The following COLEC10 variants were observed in gnomAD, a reference collection of about 807,000 sequenced individuals.
COLEC10 encodes the protein collectin-10.
Under a neutral mutation model 28.4 loss-of-function variants are expected in COLEC10, and 22 were observed. The observed-to-expected ratio is 0.78, with a 90% CI of 0.55 to 1.11. The LOEUF is 1.11. COLEC10 is among the 50% of genes least tolerant of loss of function. COLEC10 has a pLI of 0.00. For missense variants in COLEC10, 361 were observed against 344.1 expected (o/e 1.05, Z -0.39); for synonymous variants, 125 against 116.1 (o/e 1.08, Z -0.49).
At chr8:119,023,384 G>A (rs1243576297) in intron 2 of COLEC10, among the ~76,000 whole-genome samples, 6 of 152,068 alleles carry the variant, frequency 3.9e-5, no homozygotes, top group Admixed American at 2.6e-4. Context: ...ATATTTTTGA[G>A]AGTGACAATT....
At chr8:119,049,897 A>C (rs553625383) in intron 2 of COLEC10, among the ~76,000 whole-genome samples, 4 of 152,142 alleles carry the variant, frequency 2.6e-5, no homozygotes, top group African/African-American at 9.7e-5. Flanking sequence ...AATTTTCCCT[A>C]TTTTGGGGGG....
intron 2 of COLEC10, among the ~76,000 whole-genome samples, chr8:119,053,760 C>A (rs547754369): frequency 6.6e-6 from 1 of 151,892 alleles, no homozygotes; most frequent in Non-Finnish European, 1.5e-5. Flanking sequence ...AATCTTCATT[C>A]TTTCCTTCAG....
At chr8:119,040,570 T>C (rs1277269197) in intron 2 of COLEC10, among the ~76,000 whole-genome samples, 1 of 152,214 alleles carries the variant, frequency 6.6e-6, no homozygotes, top group Non-Finnish European at 1.5e-5. Flanking sequence ...AAAATGGATA[T>C]ACTGTGCTCT....
chr8:119,059,361 C>T (rs192012520), intron 2 of COLEC10, among the ~76,000 whole-genome samples: 2 of 152,002 alleles, frequency 1.3e-5, no homozygotes, highest in East Asian at 3.9e-4. Context: ...GCCTTTGATA[C>T]ATTTCAGTAA....
intron 2 of COLEC10, among the ~76,000 whole-genome samples, chr8:119,034,551 A>C (rs1814353510): frequency 6.6e-6 from 1 of 152,126 alleles, no homozygotes; most frequent in Non-Finnish European, 1.5e-5. Context: ...TCTCTACTAA[A>C]AATACAAAAA....
the COLEC10 span, among the ~76,000 whole-genome samples, chr8:118,989,073 A>AAAT: frequency 6.6e-6 from 1 of 152,234 alleles, no homozygotes; most frequent in Admixed American, 6.5e-5. Context: ...AATGATTTAA[A>AAAT]ATAACTATAA....
chr8:118,979,954 G>C, the COLEC10 span, among the ~76,000 whole-genome samples: 1 of 152,036 alleles, frequency 6.6e-6, no homozygotes, highest in Non-Finnish European at 1.5e-5. Flanking sequence ...TCAGTTTCTT[G>C]TCTTTCATAA....
the COLEC10 span, among the ~76,000 whole-genome samples, chr8:118,987,546 G>C: frequency 6.6e-6 from 1 of 152,086 alleles, no homozygotes; most frequent in Non-Finnish European, 1.5e-5. Context: ...CCTGGGAAAC[G>C]GGGTGATAAT....
the COLEC10 span, among the ~76,000 whole-genome samples, chr8:118,964,780 A>C: frequency 5.1e-4 from 78 of 152,282 alleles, no homozygotes; most frequent in African/African-American, 1.9e-3. Context: ...CTGAACTTCT[A>C]AGTAAAGACA....
At chr8:119,081,481 T>A (rs1815369172) in intron 1 of COLEC10, among the ~76,000 whole-genome samples, 1 of 152,220 alleles carries the variant, frequency 6.6e-6, no homozygotes, top group African/African-American at 2.4e-5. Flanking sequence ...CGTATTTATA[T>A]CTCTTTGAAT....
intron 2 of COLEC10, among the ~76,000 whole-genome samples, chr8:119,060,949 G>A (rs931188112): frequency 2.6e-5 from 4 of 151,974 alleles, no homozygotes; most frequent in African/African-American, 9.7e-5. Flanking sequence ...ACTAAATAGT[G>A]ACAATCCAAG....
intron 2 of COLEC10, among the ~76,000 whole-genome samples, chr8:119,037,057 G>C (rs1448663492): frequency 6.6e-6 from 1 of 152,150 alleles, no homozygotes; most frequent in African/African-American, 2.4e-5. Flanking sequence ...TGGTTAAAAA[G>C]TGTGAAGAGC....
intron 2 of COLEC10, among the ~76,000 whole-genome samples, chr8:119,057,870 G>A (rs1466971990): frequency 6.6e-6 from 1 of 152,094 alleles, no homozygotes; most frequent in South Asian, 2.1e-4. Flanking sequence ...ACCAGAAAAG[G>A]ATATTGATTT....
the COLEC10 span, among the ~76,000 whole-genome samples, chr8:118,980,033 A>T: frequency 6.6e-6 from 1 of 152,122 alleles, no homozygotes; most frequent in African/African-American, 2.4e-5. Flanking sequence ...AGCCCAAGAC[A>T]AAAGCCACAG....
chr8:119,051,816 A>C (rs1353781284), intron 2 of COLEC10, among the ~76,000 whole-genome samples: 1 of 152,158 alleles, frequency 6.6e-6, no homozygotes, highest in Non-Finnish European at 1.5e-5. Flanking sequence ...AAAGATTCTG[A>C]ATCTAGTAAC....
At chr8:119,034,116 A>C (rs1170634254) in intron 2 of COLEC10, among the ~76,000 whole-genome samples, 8 of 152,200 alleles carry the variant, frequency 5.3e-5, no homozygotes, top group Admixed American at 5.2e-4. Flanking sequence ...GCTGGAAACC[A>C]TTATTCTCAG....
chr8:119,049,401 CTTTTTTTTT>C (rs34885340), intron 2 of COLEC10, among the ~76,000 whole-genome samples: 12 of 60,074 alleles, frequency 2.0e-4, no homozygotes, highest in South Asian at 8.4e-4. Context: ...ATTTTCTTTT[CTTTTTTTTT>C]TTTTTTTTTT....
At chr8:119,032,719 G>A (rs530163959) in intron 2 of COLEC10, among the ~76,000 whole-genome samples, 1 of 152,138 alleles carries the variant, frequency 6.6e-6, no homozygotes, top group Admixed American at 6.5e-5. Context: ...GGCTAACACG[G>A]TGAAACCCCA....
At chr8:119,081,539 T>G (rs1241242590) in intron 1 of COLEC10, among the ~76,000 whole-genome samples, 3 of 152,184 alleles carry the variant, frequency 2.0e-5, no homozygotes, top group African/African-American at 7.2e-5. Context: ...ACTTTTAGAT[T>G]CTTCTCTAAA....
Sources: allele counts gnomAD v4.1 joint callset (sites outside exome capture counted in the v4.1 genomes callset), GRCh38; gene constraint gnomAD v4.1.1; transcripts MANE v1.5; gene names NCBI Gene and HGNC (gene_info 2026-07-23, HGNC 2026-07-21).